Variants in LARGE1 observed in about 807,000 individuals in gnomAD.
The protein encoded by LARGE1 is xylosyl- and glucuronyltransferase LARGE1.
Under a neutral mutation model 87.6 loss-of-function variants are expected in LARGE1, and 43 were observed. The ratio of observed to expected loss-of-function variants is 0.49; its 90% CI spans 0.38 to 0.63. The LOEUF (loss-of-function observed/expected upper bound fraction) is 0.63, where lower values mean the gene tolerates loss of function less well. Ranked by LOEUF, LARGE1 falls within the 30% of genes least tolerant of loss-of-function variation. The pLI is 0.00. For missense variants in LARGE1, 802 were observed against 1,000.2 expected, an observed-to-expected ratio of 0.80 and a Z score of 2.67; for synonymous variants, 434 against 394.6, an observed-to-expected ratio of 1.10 and a Z score of -1.18.
chr22:33,495,923 G>A (rs191918544), intron 6 of LARGE1, among the ~76,000 whole-genome samples: 3 of 152,216 alleles, frequency 2.0e-5, no homozygotes, highest in Admixed American at 6.5e-5. Flanking sequence ...ACCTCTGTGA[G>A]TGTATTAGTC....
In LARGE1 at chr22:33,910,761, T is replaced by C. The variant is rs114999300; in HGVS notation, c.-83+9234A>G. ...CAGAGACAAGAGAGAGGATGGGGGG[T>C]TGGATCCAGCAAAAAAAGCAGCGTA... On this transcript the variant is annotated intron_variant, in intron 1 of 14. Transcript: ENST00000397394. Among the ~76,000 whole-genome samples, 751 of 151,770 alleles carry C rather than the reference T, an allele frequency of 4.9e-3. 7 individuals carry two copies. Among genetic ancestry groups the C allele is most frequent in the African/African-American group, 0.017 (722 of 41,372 alleles).
At chr22:33,313,128 G>C (rs1935786483) in intron 11 of LARGE1, among the ~76,000 whole-genome samples, 1 of 152,084 alleles carries the variant, frequency 6.6e-6, no homozygotes, top group Non-Finnish European at 1.5e-5. Flanking sequence ...ATGTGTATTT[G>C]ATCTCCTCTT....
At chr22:33,728,405 G>A (rs1207285827) in intron 2 of LARGE1, among the ~76,000 whole-genome samples, 2 of 151,850 alleles carry the variant, frequency 1.3e-5, no homozygotes, top group East Asian at 3.9e-4. Flanking sequence ...CAGGCACGGG[G>A]GTGCATGCCT....
At chr22:33,188,754 C>T (rs1923619711) in intron 11 of LARGE1, among the ~76,000 whole-genome samples, 1 of 152,198 alleles carries the variant, frequency 6.6e-6, no homozygotes, top group African/African-American at 2.4e-5. Context: ...TGCCCACACT[C>T]ATACTCTGAA....
chr22:33,292,925 G>A (rs1484173612), intron 12 of LARGE1, among the ~76,000 whole-genome samples: 1 of 152,180 alleles, frequency 6.6e-6, no homozygotes, highest in African/African-American at 2.4e-5. Flanking sequence ...GTGATTAAGA[G>A]AACTAAGATA....
intron 10 of LARGE1, among the ~76,000 whole-genome samples, chr22:33,324,380 G>A (rs1245971306): frequency 1.3e-5 from 2 of 150,762 alleles, no homozygotes; most frequent in East Asian, 3.9e-4. Flanking sequence ...TCTCTGGGGA[G>A]CCATGGAGCC....
intron 6 of LARGE1, among the ~76,000 whole-genome samples, chr22:33,501,115 G>C (rs1023804545): frequency 6.6e-6 from 1 of 152,128 alleles, no homozygotes; most frequent in Non-Finnish European, 1.5e-5. Flanking sequence ...AAGCTCCAGG[G>C]CTGTATTTGA....
At chr22:33,359,765 T>C (rs374026462) in intron 9 of LARGE1, among the ~76,000 whole-genome samples, 2 of 148,524 alleles carry the variant, frequency 1.3e-5, no homozygotes, top group Non-Finnish European at 3.0e-5. Flanking sequence ...GGGGTTTCAC[T>C]GTGTTAGCCA....
upstream of LARGE1, chr22:33,922,279 T>TGGGGGGTGGGGGGGGGGGGGGGGG (rs1555893682): frequency 1.6e-5 from 1 of 63,512 alleles, no homozygotes; most frequent in Non-Finnish European, 3.3e-5. Context: ...GCTGGGGGGG[T>TGGGGGGTGGGGGGGGGGGGGGGGG]GGGGCGGCAA....
chr22:33,443,159 C>T (rs537900867), intron 6 of LARGE1, among the ~76,000 whole-genome samples: 3 of 152,190 alleles, frequency 2.0e-5, no homozygotes, highest in Non-Finnish European at 4.4e-5. Context: ...GTACTTATTT[C>T]TACCTTTCAG....
intron 1 of LARGE1, among the ~76,000 whole-genome samples, chr22:33,907,565 A>ATTTCT (rs766237026): frequency 7.0e-6 from 1 of 143,712 alleles, no homozygotes; most frequent in African/African-American, 2.7e-5. Context: ...GTGTGAAGAC[A>ATTTCT]TTTCTTTTTT....
chr22:33,701,430 C>G (rs532453419), intron 2 of LARGE1, among the ~76,000 whole-genome samples: 2 of 152,142 alleles, frequency 1.3e-5, no homozygotes, highest in African/African-American at 4.8e-5. Flanking sequence ...GTGGCTTAAA[C>G]CAAAGGGACT....
chr22:33,896,171 G>A (rs1477780341), intron 1 of LARGE1, among the ~76,000 whole-genome samples: 1 of 152,112 alleles, frequency 6.6e-6, no homozygotes, highest in East Asian at 1.9e-4. Context: ...ACTTTACATA[G>A]GTGGAATGAT....
chr22:33,774,540 A>G (rs534380769), intron 1 of LARGE1, among the ~76,000 whole-genome samples: 5 of 149,554 alleles, frequency 3.3e-5, no homozygotes, highest in African/African-American at 9.7e-5. Context: ...TATTTTTAGT[A>G]GAGATGGGGG....
At chr22:33,828,681 T>C (rs2062870048) in intron 1 of LARGE1, among the ~76,000 whole-genome samples, 1 of 152,178 alleles carries the variant, frequency 6.6e-6, no homozygotes, top group Non-Finnish European at 1.5e-5. Flanking sequence ...AAGTCTAAAG[T>C]CCCAGTCCCT....
intron 1 of LARGE1, among the ~76,000 whole-genome samples, chr22:33,784,829 A>T (rs907985223): frequency 5.9e-5 from 9 of 151,768 alleles, no homozygotes; most frequent in African/African-American, 2.2e-4. Context: ...ATACACATAT[A>T]TGTATAATAT....
intron 7 of LARGE1, among the ~76,000 whole-genome samples, chr22:33,423,762 G>C (rs2066778987): frequency 6.6e-6 from 1 of 151,900 alleles, no homozygotes; most frequent in Non-Finnish European, 1.5e-5. Context: ...TATAAAAGAG[G>C]CATTCAAAAC....
chr22:33,805,221 T>C (rs181715505), intron 1 of LARGE1, among the ~76,000 whole-genome samples: 1 of 152,294 alleles, frequency 6.6e-6, no homozygotes, highest in East Asian at 1.9e-4. Context: ...ATTTGGACTA[T>C]ATCCCAACAC....
In LARGE1 at chr22:33,851,124, G is replaced by T. The variant is rs151015838; in HGVS notation, c.-83+68871C>A. 2.1e-3 allele frequency among the ~76,000 whole-genome samples: 323 copies of T among 152,288 alleles called. 1 individual carries two copies. Among genetic ancestry groups the T allele is most frequent in the African/African-American group, 7.4e-3 (306 of 41,554 alleles). On this transcript the variant is annotated intron_variant, in intron 1 of 14. Coordinates refer to ENST00000397394, the MANE Select transcript of LARGE1 (RefSeq NM_133642.5). The stretch of plus-strand genomic sequence containing the variant: ...TTTTCCAGCACAAGACACTTTACAA[G>T]GTGTTTCACACAAGTTAACTACCAT...
Sources: allele counts gnomAD v4.1 joint callset (sites outside exome capture counted in the v4.1 genomes callset), GRCh38; gene constraint gnomAD v4.1.1; transcripts MANE v1.5; gene names NCBI Gene and HGNC (gene_info 2026-07-23, HGNC 2026-07-21).